Variants in NRG2 observed in about 807,000 individuals in gnomAD.
The protein encoded by NRG2 is neuregulin 2, also known as pro-neuregulin-2, membrane-bound isoform.
NRG2 carries 27 observed loss-of-function variants against 73.9 expected under a neutral mutation model. That is an observed-to-expected ratio of 0.37 (90% CI 0.27 to 0.50). NRG2 has a LOEUF of 0.50. NRG2 is among the 20% of genes least tolerant of loss of function. NRG2 has a pLI of 0.96. For missense variants in NRG2, 1,126 were observed against 1,210.1 expected (o/e 0.93, Z 1.03); for synonymous variants, 532 against 541.0 (o/e 0.98, Z 0.23).
At chr5:139,936,745 GA>G (rs1322428045) in intron 1 of NRG2, among the ~76,000 whole-genome samples, 1 of 152,012 alleles carries the variant, frequency 6.6e-6, no homozygotes, top group African/African-American at 2.4e-5. Flanking sequence ...AATTCCTCAT[GA>G]AAAAAATTGT....
At chr5:139,999,248 CCGTTT>C (rs1306245492) in intron 1 of NRG2, among the ~76,000 whole-genome samples, 1 of 152,210 alleles carries the variant, frequency 6.6e-6, no homozygotes, top group African/African-American at 2.4e-5. Context: ...TCCCCTTATG[CCGTTT>C]CCTCATTCCT....
At chr5:139,877,407 T>C (rs1763253281) in intron 3 of NRG2, among the ~76,000 whole-genome samples, 1 of 152,364 alleles carries the variant, frequency 6.6e-6, no homozygotes, top group South Asian at 2.1e-4. Context: ...TACCCTCTTC[T>C]AGCTGCCCTA....
At chr5:139,886,384 T>C (rs959046399) in intron 2 of NRG2, among the ~76,000 whole-genome samples, 2 of 152,140 alleles carry the variant, frequency 1.3e-5, no homozygotes, top group African/African-American at 4.8e-5. Context: ...CACTTTTTGT[T>C]GTGGGCAGGC....
intron 1 of NRG2, among the ~76,000 whole-genome samples, chr5:139,946,173 G>C (rs1203077445): frequency 6.6e-6 from 1 of 152,000 alleles, no homozygotes; most frequent in African/African-American, 2.4e-5. Flanking sequence ...TGAAAAAGAA[G>C]AACAAAGTTG....
At chr5:139,957,649 T>C (rs1043453512) in intron 1 of NRG2, among the ~76,000 whole-genome samples, 4 of 152,274 alleles carry the variant, frequency 2.6e-5, no homozygotes, top group Middle Eastern at 6.8e-3. Flanking sequence ...GGAGCCTCTT[T>C]CCTGGGGTGA....
chr5:139,966,625 T>G (rs1755540691), intron 1 of NRG2, among the ~76,000 whole-genome samples: 1 of 151,980 alleles, frequency 6.6e-6, no homozygotes, highest in Non-Finnish European at 1.5e-5. Flanking sequence ...GGTTAGTATA[T>G]GCAAGAGTTT....
rs148043758 is a variant in NRG2, at chr5:139,970,946, T to G, written c.700+71424A>C. Reference sequence around the variant, plus strand: ...GAGGCCAGTCTCCATAACCAGTTTTTCTTTTTTTTTTATTTTTTCCCCTTG... The same window carrying G: ...GAGGCCAGTCTCCATAACCAGTTTTGCTTTTTTTTTTATTTTTTCCCCTTG... On this transcript the variant is annotated intron_variant, in intron 1 of 9. Transcript: ENST00000361474. Among the ~76,000 whole-genome samples, 127 of 152,306 alleles carry G rather than the reference T, an allele frequency of 8.3e-4. 1 individual carries two copies. The highest frequency in any genetic ancestry group is 3.0e-3 in the African/African-American group (123 of 41,570).
chr5:140,019,494 C>T (rs1339775965), intron 1 of NRG2: 1 of 152,298 alleles, frequency 6.6e-6, no homozygotes, highest in African/African-American at 2.4e-5. Flanking sequence ...TGGGTTCAGG[C>T]TGCTCCGAGT....
chr5:139,957,321 G>A (rs1331750900), intron 1 of NRG2, among the ~76,000 whole-genome samples: 1 of 151,022 alleles, frequency 6.6e-6, no homozygotes, highest in African/African-American at 2.5e-5. Flanking sequence ...GTGTGTGTGT[G>A]TGTGTGTGTG....
intron 1 of NRG2, among the ~76,000 whole-genome samples, chr5:140,029,228 TG>T (rs1307482598): frequency 2.0e-5 from 3 of 152,150 alleles, no homozygotes; most frequent in African/African-American, 7.2e-5. Context: ...AGGTAGAAAC[TG>T]GGACTCAAAA....
intron 1 of NRG2, among the ~76,000 whole-genome samples, chr5:139,901,559 T>C (rs1381655581): frequency 6.6e-6 from 1 of 152,190 alleles, no homozygotes; most frequent in Non-Finnish European, 1.5e-5. Flanking sequence ...CAGGGCAGCA[T>C]CTTTATCAGA....
At chr5:139,962,089 T>C (rs1353400039) in intron 1 of NRG2, among the ~76,000 whole-genome samples, 1 of 152,178 alleles carries the variant, frequency 6.6e-6, no homozygotes, top group East Asian at 1.9e-4. Context: ...CTACTCTATC[T>C]GTCTCCCTGG....
In NRG2 at chr5:139,887,588, C is replaced by T. The variant is rs919038019; in HGVS notation, c.701-77G>A. On this transcript the variant is annotated intron_variant, in intron 1 of 9. Transcript: ENST00000361474. This position sits in a 1 kb window ranked among gnomAD's most constrained non-coding sequence, Gnocchi z 4.5. Reference sequence around the variant, plus strand: ...AAGCATGAGTAGTGGAGAGTAAGGGCCACTGTCTTTGGGCTGGAACTGGGG... The same window carrying T: ...AAGCATGAGTAGTGGAGAGTAAGGGTCACTGTCTTTGGGCTGGAACTGGGG... The T allele has an allele frequency of 1.4e-5, 19 of 1,371,642 alleles. No individual in the cohort carries two copies. The highest frequency in any genetic ancestry group is 3.8e-5 in the Admixed American group (2 of 52,482). 85.0% of individuals were successfully genotyped at this position (1,371,642 alleles called of 1,614,324 possible).
intron 1 of NRG2, among the ~76,000 whole-genome samples, chr5:139,995,754 C>T (rs956016212): frequency 2.6e-5 from 4 of 152,182 alleles, no homozygotes; most frequent in Non-Finnish European, 5.9e-5. Flanking sequence ...TGGCTTACAC[C>T]TGTAAGCCCA....
intron 1 of NRG2, among the ~76,000 whole-genome samples, chr5:139,889,627 G>T (rs1344056912): frequency 6.6e-6 from 1 of 152,096 alleles, no homozygotes; most frequent in Admixed American, 6.5e-5. Context: ...TTCCTGTGTG[G>T]AACATTTAGC....
intron 1 of NRG2, among the ~76,000 whole-genome samples, chr5:140,036,128 G>A (rs1580996644): frequency 6.6e-6 from 1 of 152,326 alleles, no homozygotes; most frequent in East Asian, 1.9e-4. Context: ...AAGGTCCCTG[G>A]AGAGGCCATT....
intron 1 of NRG2, among the ~76,000 whole-genome samples, chr5:140,032,747 T>C (rs1048372774): frequency 6.6e-6 from 1 of 152,198 alleles, no homozygotes; most frequent in African/African-American, 2.4e-5. Context: ...ATACATAATA[T>C]AGGCCACAAA....
In NRG2 at chr5:139,848,424, C is replaced by A; in HGVS notation, c.2046G>T (p.Ala682=). Reference sequence around the variant, plus strand: ...AGGTCCCGCGCCGCGGTCCGGGCCCCGCCGCGGGGTAATAGTAGCTGTCAT... The same window carrying A: ...AGGTCCCGCGCCGCGGTCCGGGCCCAGCCGCGGGGTAATAGTAGCTGTCAT... ...RSYDSYYYPA[A]GPGPRRGTCA... is the part of the protein sequence containing the mutation. Residue 682 remains alanine, a synonymous_variant, in exon 10 of 10, where the codon GCG becomes GCT. Transcript: ENST00000361474. 1.6e-6 allele frequency: 2 copies of A among 1,286,082 alleles called. No individual in the cohort carries two copies. The highest frequency in any genetic ancestry group is 9.8e-7 in the Non-Finnish European group (1 of 1,025,330). The allele number at this position is 1,286,082 out of a possible 1,614,324, so 79.7% of individuals were successfully genotyped here. A position where few individuals can be genotyped will look rare whatever the true frequency, so the allele number is the denominator to read the frequency against.
chr5:139,998,206 T>A (rs542881137), intron 1 of NRG2, among the ~76,000 whole-genome samples: 97 of 152,244 alleles, frequency 6.4e-4, no homozygotes, highest in African/African-American at 2.3e-3. Context: ...CCACCTTGGG[T>A]AAACCACTTA....
Sources: allele counts gnomAD v4.1 joint callset (sites outside exome capture counted in the v4.1 genomes callset), GRCh38; gene constraint gnomAD v4.1.1; non-coding constraint Gnocchi (gnomAD v3.1); transcripts MANE v1.5; gene names NCBI Gene and HGNC (gene_info 2026-07-23, HGNC 2026-07-21).